STING1: variants seen among roughly 807,000 people sequenced by gnomAD.
STING1 encodes the protein stimulator of interferon response cGAMP interactor 1.
A neutral mutation model predicts 31.6 loss-of-function variants in STING1; 19 were observed. That is an observed-to-expected ratio of 0.60 (90% CI 0.42 to 0.88). STING1 has a LOEUF of 0.88. STING1 is among the 40% of genes least tolerant of loss of function. The pLI, the probability that STING1 is intolerant of heterozygous loss-of-function variation, is 0.00. For synonymous variants in STING1, 200 were observed against 208.6 expected (o/e 0.96, Z 0.35); for missense variants, 371 against 483.7 (o/e 0.77, Z 2.19).
At chr5:139,480,739 C>G (rs368270583) in intron 5 of STING1, 51 bp downstream of exon 5, 3 of 1,164,746 alleles carry the variant, frequency 2.6e-6, no homozygotes, top group Non-Finnish European at 2.6e-6. Flanking sequence ...GGCTGTGTGT[C>G]TTAGTGTCTG....
At chr5:139,478,662 C>T (rs748629696) in intron 5 of STING1, 154 bp from the exon 6 acceptor site, 29 of 688,082 alleles carry the variant, frequency 4.2e-5, no homozygotes, top group Admixed American at 7.1e-5. Flanking sequence ...GGAGGGGCAG[C>T]GCCTCCAAAA....
chr5:139,479,675 C>T (rs1015658571), intron 5 of STING1, among the ~76,000 whole-genome samples: 4 of 148,896 alleles, frequency 2.7e-5, no homozygotes, highest in African/African-American at 7.5e-5. Flanking sequence ...CTACTTCAGC[C>T]CGGGTGAAAA....
Position 139,481,181 on chromosome 5 carries a change from A to G in STING1, c.389T>C (p.Leu130Pro). The G allele has an allele frequency of 5.0e-6, 8 of 1,614,206 alleles. No homozygotes were observed. The highest frequency in any genetic ancestry group is 5.9e-6 in the Non-Finnish European group (7 of 1,180,038). ...TACCTTGAGGCCCAGGAGGATGTTC[A>G]GTGCCTGCGAGAGGCCCAGGAGGGC... Reference protein sequence around the residue: ...MLALLGLSQALNILLGLKGLA... With the variant: ...MLALLGLSQAPNILLGLKGLA... The change falls in exon 4 of 8, where the codon CTG becomes CCG. Residue 130 changes from leucine (L) to proline (P), a missense_variant. Transcript: ENST00000330794. This position sits in a 1 kb window ranked among gnomAD's most constrained non-coding sequence, Gnocchi z 4.1.
At chr5:139,480,003 CA>C (rs552338116) in intron 5 of STING1, among the ~76,000 whole-genome samples, 3,704 of 88,976 alleles carry the variant, frequency 0.042, 84 homozygotes, top group African/African-American at 0.11. Context: ...GACTTTGTCT[CA>C]AAAAAAAAAA....
At chr5:139,476,949 C>T (rs1054180391) in intron 7 of STING1, among the ~76,000 whole-genome samples, 6 of 151,906 alleles carry the variant, frequency 3.9e-5, no homozygotes, top group African/African-American at 1.4e-4. Context: ...GAAATTCCAC[C>T]CTCTTACTTT....
chr5:139,480,878 G>A lies in STING1; in HGVS notation c.432C>T (p.Ile144=). 1.2e-6 allele frequency: 2 copies of A among 1,613,964 alleles called. No homozygotes were observed. ...AATTCCCTTTTTCACACACTGCAGAGATCTCAGCTGGGGCCAGGCCCTGTG... is the reference window on the plus strand; with the variant it reads ...AATTCCCTTTTTCACACACTGCAGAAATCTCAGCTGGGGCCAGGCCCTGTG... The part of the protein sequence containing the change: ...LGLKGLAPAE[I]SAVCEKGNFN... The change falls in exon 5 of 8, where the codon ATC becomes ATT. Residue 144 remains isoleucine (I), a synonymous_variant. Transcript: ENST00000330794.
In STING1 at chr5:139,481,112, C is replaced by G. The variant is rs768267709; in HGVS notation, c.411+47G>C. On this transcript the variant is annotated intron_variant, in intron 4 of 7. Transcript: ENST00000330794. This position sits in a 1 kb window ranked among gnomAD's most constrained non-coding sequence, Gnocchi z 4.1. ...CTCAGCTCAGGGCAGGTCACACCAG[C>G]CACAGCCACCACTTGGCCAGAGCTT... The G allele has an allele frequency of 2.5e-6, 4 of 1,597,450 alleles. No homozygotes were observed. Among genetic ancestry groups the G allele is most frequent in the Middle Eastern group, 1.9e-4 (1 of 5,362 alleles).
At chr5:139,482,010 C>G (rs1472951824) in intron 2 of STING1, 200 bp downstream of exon 2, 1 of 321,648 alleles carries the variant, frequency 3.1e-6, no homozygotes, top group Non-Finnish European at 5.8e-6. Context: ...TTGAAGCTGT[C>G]CTGTGCAGCC....
rs1293420744 is a variant in STING1 at position 139,481,051 on chromosome 5, T to C, written c.411+108A>G. 1 of 1,278,244 alleles carries C rather than the reference T, an allele frequency of 7.8e-7. No homozygotes were observed. Among genetic ancestry groups the C allele is most frequent in the East Asian group, 2.3e-5 (1 of 43,148 alleles). 79.2% of individuals were successfully genotyped at this position (1,278,244 alleles called of 1,614,324 possible). ...CCAGGACATTATAGGTTCTACTCCATGGACTCCAGCCTTTAAACCAGTCCC... is the reference window on the plus strand; with the variant it reads ...CCAGGACATTATAGGTTCTACTCCACGGACTCCAGCCTTTAAACCAGTCCC... On this transcript the variant is annotated intron_variant, in intron 4 of 7. Coordinates refer to ENST00000330794, the MANE Select transcript of STING1 (RefSeq NM_198282.4). This position sits in a 1 kb window ranked among gnomAD's most constrained non-coding sequence, Gnocchi z 4.1.
At chr5:139,477,631 C>T in intron 6 of STING1, 116 bp from the exon 7 acceptor site, 1 of 1,079,108 alleles carries the variant, frequency 9.3e-7, no homozygotes, top group Non-Finnish European at 1.3e-6. Context: ...CTCCCTCAGC[C>T]TGTAACGATA....
rs138994450 is a variant in STING1, at chr5:139,481,222, G to C, written c.348C>G (p.Pro116=). 1.8e-4 allele frequency: 288 copies of C among 1,614,090 alleles called. No individual in the cohort carries two copies. The African/African-American group carries it at 3.4e-3, about 19-fold the overall frequency. ...YYSLPNAVGP[P]FTWMLALLGL... The stretch of plus-strand genomic sequence containing the variant: ...CCAGGAGGGCAAGCATCCAAGTGAA[G>C]GGCGGGCCGACCGCATTTGGGAGGG... The change falls in exon 4 of 8, where the codon CCC becomes CCG. Residue 116 remains proline, a synonymous_variant. Coordinates refer to ENST00000330794, the MANE Select transcript of STING1 (RefSeq NM_198282.4). The surrounding 1 kb of genome is among the most constrained non-coding windows in gnomAD (Gnocchi z 4.1).
rs772280253 is a variant in STING1 at position 139,481,240 on chromosome 5, T to A, written c.330A>T (p.Pro110=). 1.2e-6 allele frequency: 2 copies of A among 1,614,088 alleles called. No homozygotes were observed. Among genetic ancestry groups the A allele is most frequent in the East Asian group, 4.5e-5 (2 of 44,890 alleles). ...LLSIYFYYSL[P]NAVGPPFTWM... is the part of the protein sequence containing the mutation. Reference sequence around the variant, plus strand: ...AAGTGAAGGGCGGGCCGACCGCATTTGGGAGGGAGTAGTAGAAATAGATGG... The same window carrying A: ...AAGTGAAGGGCGGGCCGACCGCATTAGGGAGGGAGTAGTAGAAATAGATGG... The change falls in exon 4 of 8, where the codon CCA becomes CCT. Residue 110 remains proline (P), a synonymous_variant. Transcript: ENST00000330794. This position sits in a 1 kb window ranked among gnomAD's most constrained non-coding sequence, Gnocchi z 4.1.
chr5:139,482,418 G>A (rs550725483), intron 1 of STING1, 116 bp from the exon 2 acceptor site: 2 of 152,390 alleles, frequency 1.3e-5, no homozygotes, highest in Non-Finnish European at 2.9e-5. Context: ...TCCTCAGGAA[G>A]GGAGGTAGGA....
chr5:139,479,848 CAAAAAAAAA>C (rs1168023127), intron 5 of STING1, among the ~76,000 whole-genome samples: 356 of 34,900 alleles, frequency 0.01, 2 homozygotes, highest in Middle Eastern at 0.056. Context: ...ACTAAAAATA[CAAAAAAAAA>C]AAAAAAAAAA....
intron 5 of STING1, among the ~76,000 whole-genome samples, chr5:139,480,062 A>G (rs1447556555): frequency 6.6e-6 from 1 of 151,368 alleles, no homozygotes; most frequent in Non-Finnish European, 1.5e-5. Context: ...CCTGCTTGTT[A>G]TCTCGGCACT....
At position 139,477,331 on chromosome 5, in the gene STING1, T is replaced by A; in HGVS notation, c.944A>T (p.Gln315Leu). 6.2e-7 allele frequency: 1 copy of A among 1,613,630 alleles called. No individual in the cohort carries two copies. Among genetic ancestry groups the A allele is most frequent in the African/African-American group, 1.3e-5 (1 of 75,030 alleles). Residue 315 changes from glutamine to leucine, a missense_variant and splice_region_variant, in exon 7 of 8, where the codon CAG becomes CTG. Physicochemically the swap from Gln to Leu is moderately radical, Grantham distance 113 (BLOSUM62 -2). Coordinates refer to ENST00000330794, the MANE Select transcript of STING1 (RefSeq NM_198282.4). ...CCCTCACCCTACCAACCCCTCACCC[T>A]GGTAGGCAATGAGGCGGCAGTTGTT... is the stretch of plus-strand genomic sequence containing the variant. ...SQNNCRLIAY[Q>L]EPADDSSFSL...
chr5:139,481,572 G>A lies in STING1; in HGVS notation c.133C>T (p.Arg45Trp), dbSNP rs770653748. Residue 45 changes from arginine (R) to tryptophan (W), a missense_variant, in exon 3 of 8, where the codon CGG becomes TGG. Coordinates refer to ENST00000330794, the MANE Select transcript of STING1 (RefSeq NM_198282.4). The surrounding 1 kb of genome is among the most constrained non-coding windows in gnomAD (Gnocchi z 4.1). ...GLGEPPEHTL[R>W]YLVLHLASLQ... The stretch of plus-strand genomic sequence containing the variant: ...GAGGCTAGGTGGAGCACCAGGTACC[G>A]GAGAGTGTGCTCTGGTGGCTCTCCT... 40 of 1,613,850 alleles carry A rather than the reference G, an allele frequency of 2.5e-5. 1 individual carries two copies. The South Asian group carries it at 3.0e-4, about 12-fold the overall frequency.
rs919094032 is a variant in STING1, at chr5:139,475,564, T to C, written c.*697A>G. 1.3e-5 allele frequency: 2 copies of C among 152,106 alleles called. No homozygotes were observed. The highest frequency in any genetic ancestry group is 2.9e-5 in the Non-Finnish European group (2 of 68,016). The allele number at this position is 152,106 out of a possible 1,614,324, so 9.4% of individuals were successfully genotyped here. On this transcript the variant is annotated 3_prime_UTR_variant, in exon 8 of 8. Coordinates refer to ENST00000330794, the MANE Select transcript of STING1 (RefSeq NM_198282.4). ...GAGATGTGCTTTAAAAAAGGACCGT[T>C]GAGAAAGGGGTGGAGTATAAGGAAA...
At chr5:139,478,217 G>C in intron 6 of STING1, 53 bp downstream of exon 6, 3 of 1,384,196 alleles carry the variant, frequency 2.2e-6, no homozygotes, top group South Asian at 1.2e-5. Context: ...TAGGGCCCAG[G>C]GTTCTGGGGT....
Sources: gnomAD v4.1 joint callset for allele counts (sites outside exome capture counted in the v4.1 genomes callset) on GRCh38, gnomAD v4.1.1 for gene constraint, Gnocchi (gnomAD v3.1) non-coding constraint, MANE v1.5 for transcripts, NCBI Gene and HGNC (gene_info 2026-07-23, HGNC 2026-07-21) for gene names.